Variants in GRIK2 observed in about 807,000 individuals in gnomAD.
The protein encoded by GRIK2 is glutamate ionotropic receptor kainate type subunit 2.
In GRIK2, 32 loss-of-function variants were observed where a neutral mutation model predicts 100.3. The observed-to-expected ratio is 0.32, with a 90% CI of 0.24 to 0.43. The LOEUF is 0.43. Among genes scored for constraint, GRIK2 ranks in the 20% least tolerant of loss-of-function variants. The probability of loss-of-function intolerance (pLI) is 1.00; values close to 1 mark genes in which losing one functional copy is unlikely to be tolerated. For missense variants in GRIK2, 843 were observed against 1,114.9 expected (o/e 0.76, Z 3.47); for synonymous variants, 417 against 389.4 (o/e 1.07, Z -0.83).
intron 2 of GRIK2, among the ~76,000 whole-genome samples, chr6:101,547,562 A>G (rs1007900102): frequency 3.9e-5 from 6 of 152,178 alleles, no homozygotes; most frequent in African/African-American, 1.2e-4. Flanking sequence ...GAGTGAGAAC[A>G]TGCGGTGTTT....
At chr6:102,017,000 C>A (rs1215455738) in intron 14 of GRIK2, among the ~76,000 whole-genome samples, 1 of 152,060 alleles carries the variant, frequency 6.6e-6, no homozygotes, top group Admixed American at 6.6e-5. Flanking sequence ...GAACTCCCAA[C>A]CAAGAGTTCC....
At chr6:101,664,575 A>G (rs1425199059) in intron 4 of GRIK2, among the ~76,000 whole-genome samples, 1 of 152,262 alleles carries the variant, frequency 6.6e-6, no homozygotes, top group African/African-American at 2.4e-5. Flanking sequence ...TAGCCTTGGC[A>G]TGGCCAAAAG....
chr6:102,017,450 G>C (rs1582730838), intron 14 of GRIK2, among the ~76,000 whole-genome samples: 1 of 152,094 alleles, frequency 6.6e-6, no homozygotes, highest in African/African-American at 2.4e-5. Context: ...GGGACATAAA[G>C]CCAAACCATA....
chr6:101,916,293 T>G (rs1170216497), intron 12 of GRIK2, among the ~76,000 whole-genome samples: 2 of 151,510 alleles, frequency 1.3e-5, no homozygotes, highest in African/African-American at 4.8e-5. Context: ...TGATCTTTTC[T>G]TGAGCATTTG....
chr6:101,488,713 T>A (rs1404004732), intron 2 of GRIK2, among the ~76,000 whole-genome samples: 1 of 146,780 alleles, frequency 6.8e-6, no homozygotes, highest in Non-Finnish European at 1.5e-5. Flanking sequence ...TTATTTTATT[T>A]AGGTTCTCAT....
intron 14 of GRIK2, among the ~76,000 whole-genome samples, chr6:101,956,389 T>C (rs986245056): frequency 4.6e-5 from 7 of 152,150 alleles, no homozygotes; most frequent in Non-Finnish European, 7.4e-5. Context: ...GATTTTTAAA[T>C]TTATTTTTAA....
intron 10 of GRIK2, among the ~76,000 whole-genome samples, chr6:101,852,392 A>C (rs987695345): frequency 2.0e-5 from 3 of 152,000 alleles, no homozygotes; most frequent in Non-Finnish European, 1.5e-5. Context: ...TAGTGACTTG[A>C]GGATTTGTTA....
chr6:101,901,298 A>AG (rs1465301452), intron 12 of GRIK2, among the ~76,000 whole-genome samples: 27 of 152,042 alleles, frequency 1.8e-4, no homozygotes, highest in Non-Finnish European at 2.6e-4. Context: ...TAGAAAAAAA[A>AG]TGTATATTGA....
chr6:101,584,580 A>G (rs896653804), intron 2 of GRIK2, among the ~76,000 whole-genome samples: 12 of 152,188 alleles, frequency 7.9e-5, no homozygotes, highest in African/African-American at 2.6e-4. Context: ...AACAAAGTCA[A>G]AAGAATGAAT....
chr6:101,739,634 A>AT (rs924914443), intron 7 of GRIK2, among the ~76,000 whole-genome samples: 1 of 152,138 alleles, frequency 6.6e-6, no homozygotes, highest in Non-Finnish European at 1.5e-5. Context: ...AAAATGTTAT[A>AT]TTTTTTCTTT....
chr6:101,608,652 T>C (rs1779539398), intron 2 of GRIK2, among the ~76,000 whole-genome samples: 1 of 151,908 alleles, frequency 6.6e-6, no homozygotes, highest in Admixed American at 6.6e-5. Context: ...CAAGAGGTTA[T>C]AGACTAATAA....
chr6:101,620,216 T>A, intron 2 of GRIK2: 1 of 906,388 alleles, frequency 1.1e-6, no homozygotes, highest in Non-Finnish European at 1.3e-6. Flanking sequence ...GGGTAGAGAG[T>A]AAAGAAGAAT....
At chr6:101,899,382 A>G (rs1245625271) in intron 12 of GRIK2, among the ~76,000 whole-genome samples, 1 of 151,920 alleles carries the variant, frequency 6.6e-6, no homozygotes, top group African/African-American at 2.4e-5. Context: ...CCAGAAATTC[A>G]CGTTTCATTC....
chr6:101,449,328 G>A (rs1343078817), intron 2 of GRIK2, among the ~76,000 whole-genome samples: 1 of 151,496 alleles, frequency 6.6e-6, no homozygotes, highest in African/African-American at 2.4e-5. Context: ...AAAAACAACT[G>A]CATTACTTTA....
chr6:101,984,708 T>C (rs1793921878), intron 14 of GRIK2, among the ~76,000 whole-genome samples: 1 of 150,642 alleles, frequency 6.6e-6, no homozygotes, highest in East Asian at 2.0e-4. Flanking sequence ...AAAAGGCTGC[T>C]CTATTTCAGA....
intron 10 of GRIK2, among the ~76,000 whole-genome samples, chr6:101,856,052 C>G (rs1784409890): frequency 6.6e-6 from 1 of 152,028 alleles, no homozygotes; most frequent in Non-Finnish European, 1.5e-5. Context: ...AGCCTTTCAC[C>G]AAGATGAGAG....
intron 12 of GRIK2, among the ~76,000 whole-genome samples, chr6:101,901,846 A>G (rs905312206): frequency 6.6e-6 from 1 of 152,008 alleles, no homozygotes; most frequent in Non-Finnish European, 1.5e-5. Flanking sequence ...GATCATTGTT[A>G]TCATTTCACT....
intron 14 of GRIK2, among the ~76,000 whole-genome samples, chr6:101,930,579 A>G (rs1459094376): frequency 1.3e-5 from 2 of 151,942 alleles, no homozygotes; most frequent in African/African-American, 4.8e-5. Flanking sequence ...TTTTAATTTT[A>G]TTTTTTCCAG....
chr6:101,488,286 A>G (rs1474450760), intron 2 of GRIK2, among the ~76,000 whole-genome samples: 1 of 146,858 alleles, frequency 6.8e-6, no homozygotes, highest in Non-Finnish European at 1.5e-5. Context: ...TAACTTCCAT[A>G]GTTTATGACT....
Sources: gnomAD v4.1 joint callset for allele counts (sites outside exome capture counted in the v4.1 genomes callset) on GRCh38, gnomAD v4.1.1 for gene constraint, MANE v1.5 for transcripts, NCBI Gene and HGNC (gene_info 2026-07-23, HGNC 2026-07-21) for gene names.